CCDC171: variants seen among roughly 807,000 people sequenced by gnomAD.
The protein encoded by CCDC171 is coiled-coil domain containing 171.
Under a neutral mutation model 168.2 loss-of-function variants are expected in CCDC171, and 177 were observed. The ratio of observed to expected loss-of-function variants is 1.05; its 90% CI spans 0.93 to 1.19. The LOEUF is 1.19. CCDC171 is among the 50% of genes most tolerant of loss of function. CCDC171 has a pLI of 0.00. For synonymous variants in CCDC171, 687 were observed against 540.8 expected (o/e 1.27, Z -3.75); for missense variants, 1,991 against 1,539.0 (o/e 1.29, Z -4.91).
intron 21 of CCDC171, among the ~76,000 whole-genome samples, chr9:15,839,901 C>T (rs1009626473): frequency 2.0e-5 from 3 of 152,070 alleles, no homozygotes; most frequent in African/African-American, 7.2e-5. Context: ...AGAAAAAACT[C>T]AAAACTTTGT....
intron 21 of CCDC171, among the ~76,000 whole-genome samples, chr9:15,828,108 G>C (rs897199217): frequency 1.3e-5 from 2 of 152,110 alleles, no homozygotes; most frequent in African/African-American, 4.8e-5. Flanking sequence ...AAGAGATAGG[G>C]CAGGGGAATC....
intron 6 of CCDC171, among the ~76,000 whole-genome samples, chr9:16,027,169 G>T (rs1365084462): frequency 1.3e-5 from 2 of 152,182 alleles, no homozygotes; most frequent in Non-Finnish European, 2.9e-5. Flanking sequence ...TAATTAATCA[G>T]GAATCTTGTG....
At chr9:15,947,613 A>C (rs1828564675) in intron 25 of CCDC171, among the ~76,000 whole-genome samples, 1 of 151,920 alleles carries the variant, frequency 6.6e-6, no homozygotes, top group Non-Finnish European at 1.5e-5. Flanking sequence ...TCATCCATTG[A>C]TGGACATGGG....
chr9:15,976,796 A>T (rs573524924), downstream of CCDC171, among the ~76,000 whole-genome samples: 4 of 152,176 alleles, frequency 2.6e-5, no homozygotes, highest in East Asian at 7.7e-4. Flanking sequence ...AATCTTCTAA[A>T]ATTTTTACAA....
At chr9:15,720,976 T>A (rs1430715872) in intron 11 of CCDC171, among the ~76,000 whole-genome samples, 2 of 152,220 alleles carry the variant, frequency 1.3e-5, no homozygotes, top group African/African-American at 4.8e-5. Flanking sequence ...GAATCAACAA[T>A]CAATTTAGTT....
At chr9:15,596,822 G>T (rs1262144475) in intron 6 of CCDC171, among the ~76,000 whole-genome samples, 1 of 151,998 alleles carries the variant, frequency 6.6e-6, no homozygotes, top group East Asian at 1.9e-4. Flanking sequence ...TTATTTTGTT[G>T]AGCAGTGGTT....
chr9:15,702,396 G>A (rs2051827618), intron 11 of CCDC171, among the ~76,000 whole-genome samples: 2 of 151,956 alleles, frequency 1.3e-5, no homozygotes, highest in East Asian at 3.9e-4. Context: ...AAAAATCCTA[G>A]GGCCCTTAAG....
chr9:16,023,601 G>A, intron 6 of CCDC171, among the ~76,000 whole-genome samples: 1 of 152,202 alleles, frequency 6.6e-6, no homozygotes, highest in Non-Finnish European at 1.5e-5. Flanking sequence ...TTTGCATGAA[G>A]TCCCTGAAGG....
At chr9:15,699,076 C>G (rs1469675815) in intron 11 of CCDC171, among the ~76,000 whole-genome samples, 1 of 126,900 alleles carries the variant, frequency 7.9e-6, no homozygotes, top group African/African-American at 2.9e-5. Flanking sequence ...GCCGTGGACC[C>G]TTGCGGTGAG....
At chr9:15,873,796 C>A (rs975173612) in intron 23 of CCDC171, among the ~76,000 whole-genome samples, 10 of 152,052 alleles carry the variant, frequency 6.6e-5, no homozygotes, top group African/African-American at 1.9e-4. Context: ...GCATGTGATT[C>A]CATACTGACT....
the CCDC171 span, among the ~76,000 whole-genome samples, chr9:16,079,585 A>G: frequency 1.3e-5 from 2 of 152,242 alleles, no homozygotes; most frequent in Non-Finnish European, 2.9e-5. Context: ...TCCGCAAATC[A>G]CCAGAAGCCG....
At chr9:16,092,055 T>C in the CCDC171 span, among the ~76,000 whole-genome samples, 4 of 152,316 alleles carry the variant, frequency 2.6e-5, no homozygotes, top group African/African-American at 9.6e-5. Context: ...TTTATCCCAA[T>C]TTTTAAAAAT....
At chr9:16,020,224 T>C (rs1833124308) in intron 3 of CCDC171, among the ~76,000 whole-genome samples, 1 of 152,194 alleles carries the variant, frequency 6.6e-6, no homozygotes, top group Non-Finnish European at 1.5e-5. Context: ...TACAAATTAC[T>C]TTCAGGCTAT....
chr9:16,096,794 A>G, the CCDC171 span, among the ~76,000 whole-genome samples: 1 of 152,150 alleles, frequency 6.6e-6, no homozygotes, highest in Non-Finnish European at 1.5e-5. Flanking sequence ...AGCGTACTGC[A>G]CCATCCAGAG....
chr9:15,647,787 A>G (rs2047170211), intron 7 of CCDC171, among the ~76,000 whole-genome samples: 1 of 152,216 alleles, frequency 6.6e-6, no homozygotes, highest in South Asian at 2.1e-4. Flanking sequence ...GTCCAGGACC[A>G]GACGATTCAC....
In CCDC171 at chr9:15,594,061, A is replaced by G. The variant is rs1476336275; in HGVS notation, c.564A>G (p.Gln188=). Residue 188 remains glutamine, a synonymous_variant, in exon 6 of 26, where the codon CAA becomes CAG. Transcript: ENST00000380701. The part of the protein sequence containing the change: ...KTLQEALEKH[Q]REKNEMESHI... ...TAAAGGAAGCGTTGGAAAAACATCA[A>G]CGGGAGAAGAATGAGATGGAGTCTC... 2.5e-6 allele frequency: 4 copies of G among 1,591,980 alleles called. No homozygotes were observed. Among genetic ancestry groups the G allele is most frequent in the African/African-American group, 2.7e-5 (2 of 73,900 alleles).
At chr9:15,985,063 T>A (rs1831941488) in intron 3 of CCDC171, among the ~76,000 whole-genome samples, 1 of 150,570 alleles carries the variant, frequency 6.6e-6, no homozygotes, top group African/African-American at 2.4e-5. Context: ...ATTTTCTTCA[T>A]ATTTTTATAA....
Position 15,902,281 on chromosome 9 carries a change from T to TATAC in CCDC171, c.3601-17988_3601-17987insTACA, listed in dbSNP as rs1554673437. Reference sequence around the variant, plus strand: ...ATATATGTATATATATATATATATATACACACACACACACACATAAAAATT... The same window carrying TATAC: ...ATATATGTATATATATATATATATATATACACACACACACACACACATAAAAATT... On this transcript the variant is annotated intron_variant, in intron 24 of 25. Coordinates refer to ENST00000380701, the MANE Select transcript of CCDC171 (RefSeq NM_173550.4). Among the ~76,000 whole-genome samples, 541 of 145,192 alleles carry TATAC rather than the reference T, an allele frequency of 3.7e-3. 4 individuals carry two copies. Among genetic ancestry groups the TATAC allele is most frequent in the African/African-American group, 0.013 (516 of 39,210 alleles).
chr9:15,772,675 C>A (rs1221962578), intron 18 of CCDC171, among the ~76,000 whole-genome samples: 1 of 152,130 alleles, frequency 6.6e-6, no homozygotes, highest in Admixed American at 6.5e-5. Flanking sequence ...AGTTTAAAAT[C>A]CATTCTTAGA....
Sources: gnomAD v4.1 joint callset for allele counts (sites outside exome capture counted in the v4.1 genomes callset) on GRCh38, gnomAD v4.1.1 for gene constraint, MANE v1.5 for transcripts, NCBI Gene and HGNC (gene_info 2026-07-23, HGNC 2026-07-21) for gene names.